The following SLC26A7 variants were observed in gnomAD, a reference collection of about 807,000 sequenced individuals.
SLC26A7 encodes the protein anion exchange transporter.
In SLC26A7, 59 loss-of-function variants were observed where a neutral mutation model predicts 82.5. The ratio of observed to expected loss-of-function variants is 0.72; its 90% confidence interval spans 0.58 to 0.89. The LOEUF is 0.89. Among genes scored for constraint, SLC26A7 ranks in the 40% least tolerant of loss-of-function variants. The probability of loss-of-function intolerance (pLI) is 0.00; values close to 1 mark genes in which losing one functional copy is unlikely to be tolerated. For synonymous variants in SLC26A7, 271 were observed against 274.3 expected, an observed-to-expected ratio of 0.99 and a Z score of 0.12; for missense variants, 820 against 793.0, an observed-to-expected ratio of 1.03 and a Z score of -0.41.
intron 2 of SLC26A7, among the ~76,000 whole-genome samples, chr8:91,225,009 ACCAAG>A (rs1810213920): frequency 6.6e-6 from 1 of 152,218 alleles, no homozygotes; most frequent in African/African-American, 2.4e-5. Context: ...AAGAATTGGG[ACCAAG>A]CCATCCAGCC....
intron 2 of SLC26A7, among the ~76,000 whole-genome samples, chr8:91,251,832 A>G (rs1037722360): frequency 2.0e-5 from 3 of 152,156 alleles, no homozygotes; most frequent in Non-Finnish European, 4.4e-5. Flanking sequence ...AAGACTTTTC[A>G]TAACACCAAT....
At chr8:91,234,288 T>C (rs1355526607) in intron 2 of SLC26A7, among the ~76,000 whole-genome samples, 8 of 152,184 alleles carry the variant, frequency 5.3e-5, no homozygotes, top group Non-Finnish European at 1.0e-4. Flanking sequence ...ACAAACTTTT[T>C]AATTCTTTTC....
chr8:91,272,537 C>T (rs10111571), intron 2 of SLC26A7, among the ~76,000 whole-genome samples: 29,883 of 152,028 alleles, frequency 0.2, 3,720 homozygotes, highest in African/African-American at 0.34. Context: ...GAGAAAATTA[C>T]GTTTTTACCT....
At chr8:91,393,108 A>G (rs2130909599) in intron 16 of SLC26A7, among the ~76,000 whole-genome samples, 1 of 152,296 alleles carries the variant, frequency 6.6e-6, no homozygotes, top group East Asian at 1.9e-4. Context: ...CATCACTGTT[A>G]TATAACGAAA....
At chr8:91,389,537 A>G (rs1002059674) in intron 16 of SLC26A7, 99 bp downstream of exon 16, 1 of 831,024 alleles carries the variant, frequency 1.2e-6, no homozygotes, top group African/African-American at 1.7e-5. Context: ...TGCTTGTTGC[A>G]ATACTCATCT....
chr8:91,382,417 C>T (rs373256895), intron 15 of SLC26A7, among the ~76,000 whole-genome samples: 1 of 152,188 alleles, frequency 6.6e-6, no homozygotes, highest in Admixed American at 6.5e-5. Context: ...GTCTAAGCCT[C>T]TATTTGGATT....
At chr8:91,352,378 C>T (rs1320160625) in intron 10 of SLC26A7, among the ~76,000 whole-genome samples, 1 of 152,046 alleles carries the variant, frequency 6.6e-6, no homozygotes, top group Non-Finnish European at 1.5e-5. Flanking sequence ...TTATGAGAGC[C>T]AGTCTCCATC....
intron 1 of SLC26A7, among the ~76,000 whole-genome samples, chr8:91,213,671 A>G (rs913095898): frequency 6.6e-6 from 1 of 152,224 alleles, no homozygotes; most frequent in Non-Finnish European, 1.5e-5. Flanking sequence ...TTAGGATTCA[A>G]AGTGGAAGAT....
intron 4 of SLC26A7, among the ~76,000 whole-genome samples, chr8:91,314,881 A>G (rs185626712): frequency 6.6e-6 from 1 of 152,278 alleles, no homozygotes; most frequent in Non-Finnish European, 1.5e-5. Context: ...GTTTTTTAAT[A>G]CTTGAAATGG....
chr8:91,237,977 A>G (rs1055429291), intron 2 of SLC26A7, among the ~76,000 whole-genome samples: 3 of 152,134 alleles, frequency 2.0e-5, no homozygotes, highest in African/African-American at 7.2e-5. Flanking sequence ...CAAGATTCCC[A>G]TTCTCATCTC....
At chr8:91,394,855 A>G in intron 18 of SLC26A7, 1 of 784,278 alleles carries the variant, frequency 1.3e-6, no homozygotes, top group South Asian at 2.4e-5. Flanking sequence ...AAATTACACC[A>G]TCTGTAAGTG....
chr8:91,307,012 AG>A (rs1812327928), intron 4 of SLC26A7, among the ~76,000 whole-genome samples: 1 of 141,574 alleles, frequency 7.1e-6, no homozygotes, highest in Non-Finnish European at 1.5e-5. Context: ...ACTTCTCAAA[AG>A]AAGACATTTA....
rs995128313 is a variant in SLC26A7, at chr8:91,262,055, G to C, written c.193+12211G>C. Among the ~76,000 whole-genome samples, 5 of 152,138 alleles carry C rather than the reference G, an allele frequency of 3.3e-5. No homozygotes were observed. In the East Asian group the frequency reaches 9.7e-4, roughly 29 times the overall value. On this transcript the variant is annotated intron_variant, in intron 2 of 18. Coordinates refer to ENST00000276609, the MANE Select transcript of SLC26A7 (RefSeq NM_052832.4). ...TGTTCAACTTTGACCCTTCCACTTA[G>C]CAGCATTCCTCTTGGAGGAGGTGGT...
chr8:91,324,268 T>C (rs1186707123), intron 5 of SLC26A7, among the ~76,000 whole-genome samples: 1 of 152,262 alleles, frequency 6.6e-6, no homozygotes, highest in Admixed American at 6.5e-5. Context: ...CATCAAATTC[T>C]TATGAATAGA....
intron 15 of SLC26A7, among the ~76,000 whole-genome samples, chr8:91,384,565 T>C (rs2130898969): frequency 6.6e-6 from 1 of 152,294 alleles, no homozygotes; most frequent in East Asian, 1.9e-4. Context: ...CAAGGTCTCC[T>C]TCATCTCCAT....
rs552485065 is a variant in SLC26A7 at position 91,284,838 on chromosome 8, GGTT to G, written c.194-4295_194-4293del. 3.3e-5 allele frequency among the ~76,000 whole-genome samples: 5 copies of G among 152,184 alleles called. No homozygotes were observed. In the South Asian group the frequency reaches 1.0e-3, roughly 32 times the overall value. On this transcript the variant is annotated intron_variant, in intron 2 of 18. Coordinates refer to ENST00000276609, the MANE Select transcript of SLC26A7 (RefSeq NM_052832.4). Reference sequence around the variant, plus strand: ...GGGGATTATGAATTAGAAGTACAAAGGTTGTAATATTATTTAATATTTATTAAG... The same window carrying G: ...GGGGATTATGAATTAGAAGTACAAAGGTAATATTATTTAATATTTATTAAG...
intron 14 of SLC26A7, among the ~76,000 whole-genome samples, 174 bp downstream of exon 14, chr8:91,366,891 G>A (rs780886195): frequency 6.6e-6 from 1 of 151,990 alleles, no homozygotes; most frequent in Non-Finnish European, 1.5e-5. Context: ...TCACTCTCTT[G>A]TTCATTCTTC....
chr8:91,278,230 G>GAA (rs112706476), intron 2 of SLC26A7, among the ~76,000 whole-genome samples: 1 of 147,408 alleles, frequency 6.8e-6, no homozygotes, highest in Non-Finnish European at 1.5e-5. Context: ...CACGGCTCCA[G>GAA]AAAAAAAAAA....
intron 15 of SLC26A7, among the ~76,000 whole-genome samples, chr8:91,388,313 C>T (rs531148618): frequency 2.0e-5 from 3 of 151,788 alleles, no homozygotes; most frequent in East Asian, 3.9e-4. Flanking sequence ...GTGGCGGGAT[C>T]TCGGCTCACT....
Sources: allele counts gnomAD v4.1 joint callset (sites outside exome capture counted in the v4.1 genomes callset), GRCh38; gene constraint gnomAD v4.1.1; transcripts MANE v1.5; gene names NCBI Gene and HGNC (gene_info 2026-07-23, HGNC 2026-07-21).